Variants in PTPRN2 observed in about 807,000 individuals in gnomAD.
PTPRN2 encodes protein tyrosine phosphatase receptor type N2.
A neutral mutation model predicts 118.8 loss-of-function variants in PTPRN2; 74 were observed. The observed-to-expected ratio is 0.62, with a 90% CI of 0.52 to 0.76. The LOEUF (loss-of-function observed/expected upper bound fraction) is 0.76. Among genes scored for constraint, PTPRN2 ranks in the 30% least tolerant of loss-of-function variants. The pLI is 0.00. For synonymous variants in PTPRN2, 641 were observed against 608.0 expected, an observed-to-expected ratio of 1.05 and a Z score of -0.80; for missense variants, 1,481 against 1,394.4, an observed-to-expected ratio of 1.06 and a Z score of -0.99.
At chr7:157,759,332 C>T (rs190565754) in intron 12 of PTPRN2, among the ~76,000 whole-genome samples, 6 of 152,324 alleles carry the variant, frequency 3.9e-5, no homozygotes, top group Admixed American at 2.6e-4. Context: ...TAGGCAGCAT[C>T]GGGGAGCGAT....
intron 11 of PTPRN2, among the ~76,000 whole-genome samples, chr7:158,040,878 A>G (rs7783314): frequency 0.48 from 73,346 of 151,722 alleles, 18,301 homozygotes; most frequent in African/African-American, 0.53. Context: ...GATTACAGGC[A>G]TGCACCACCA....
At chr7:157,884,258 C>G (rs1259094893) in intron 12 of PTPRN2, among the ~76,000 whole-genome samples, 1 of 152,216 alleles carries the variant, frequency 6.6e-6, no homozygotes, top group Admixed American at 6.5e-5. Flanking sequence ...CAGAACACAC[C>G]ATCCTAATAA....
At chr7:157,993,816 C>T (rs543279762) in intron 11 of PTPRN2, among the ~76,000 whole-genome samples, 65 of 152,218 alleles carry the variant, frequency 4.3e-4, no homozygotes, top group Non-Finnish European at 7.1e-4. Flanking sequence ...TGGAGAGCGT[C>T]GATTGAGCAG....
chr7:157,613,546 G>A (rs1352362108), intron 15 of PTPRN2, among the ~76,000 whole-genome samples: 2 of 152,206 alleles, frequency 1.3e-5, no homozygotes, highest in Non-Finnish European at 2.9e-5. Context: ...CTCAGAAGCC[G>A]GCAGGGCGGG....
chr7:157,880,869 C>T (rs990014124), intron 12 of PTPRN2, among the ~76,000 whole-genome samples: 1 of 152,190 alleles, frequency 6.6e-6, no homozygotes, highest in Non-Finnish European at 1.5e-5. Flanking sequence ...TAGATGTATT[C>T]CTCTGAAGCT....
intron 3 of PTPRN2, among the ~76,000 whole-genome samples, chr7:158,264,728 C>T (rs1310143605): frequency 6.6e-6 from 1 of 152,212 alleles, no homozygotes; most frequent in Non-Finnish European, 1.5e-5. Flanking sequence ...GCCCAGGCTC[C>T]AGGACTGCCT....
At chr7:158,446,160 G>A (rs1817713056) in intron 2 of PTPRN2, among the ~76,000 whole-genome samples, 1 of 152,086 alleles carries the variant, frequency 6.6e-6, no homozygotes, top group African/African-American at 2.4e-5. Context: ...GCTCGCCCCA[G>A]GTCTTCCTGG....
chr7:158,240,490 G>A (rs151133654), intron 3 of PTPRN2, among the ~76,000 whole-genome samples: 30 of 152,276 alleles, frequency 2.0e-4, no homozygotes, highest in African/African-American at 3.4e-4. Context: ...GTGCAGTAGC[G>A]TGATCTCAGC....
intron 3 of PTPRN2, among the ~76,000 whole-genome samples, chr7:158,231,183 C>A (rs1435443635): frequency 6.6e-6 from 1 of 152,152 alleles, no homozygotes; most frequent in Non-Finnish European, 1.5e-5. Flanking sequence ...GGGAGGATCA[C>A]TTGAGCATGG....
Position 158,121,583 on chromosome 7 carries a change from G to A in PTPRN2, c.1557-10668C>T, listed in dbSNP as rs577947362. ...TAGCATGTTTCAAACCAAGGGGATG[G>A]TATGAGGACATGGGAGGGGCTCCAC... On this transcript the variant is annotated intron_variant, in intron 9 of 22. Transcript: ENST00000389418. 3.3e-5 allele frequency among the ~76,000 whole-genome samples: 5 copies of A among 152,270 alleles called. No homozygotes were observed. In the South Asian group the frequency reaches 1.0e-3, roughly 32 times the overall value.
chr7:158,402,748 A>G (rs1201543954), intron 2 of PTPRN2, among the ~76,000 whole-genome samples: 1 of 152,134 alleles, frequency 6.6e-6, no homozygotes, highest in Non-Finnish European at 1.5e-5. Context: ...GAGGGATCCA[A>G]GGGCCATGGC....
chr7:157,872,267 C>CCA (rs1342705961), intron 12 of PTPRN2, among the ~76,000 whole-genome samples: 3 of 148,864 alleles, frequency 2.0e-5, no homozygotes, highest in Non-Finnish European at 4.5e-5. Context: ...AGTGTCCTCC[C>CCA]CACACACACA....
intron 2 of PTPRN2, among the ~76,000 whole-genome samples, chr7:158,362,251 C>T (rs2151294597): frequency 6.6e-6 from 1 of 152,336 alleles, no homozygotes; most frequent in African/African-American, 2.4e-5. Context: ...CCCGCCCGGC[C>T]TCAGCCTGGT....
Position 158,230,885 on chromosome 7 carries a change from A to G in PTPRN2, c.278-25612T>C, listed in dbSNP as rs548043682. Among the ~76,000 whole-genome samples the G allele has an allele frequency of 1.1e-3, 166 of 152,344 alleles. 2 individuals carry two copies. The highest frequency in any genetic ancestry group is 8.9e-3 in the South Asian group (43 of 4,830). On this transcript the variant is annotated intron_variant, in intron 3 of 22. Transcript: ENST00000389418. ...CAATTAAAAGATATAGAATGGCTGT[A>G]TGGATAAAGAATTAAGACCCAACTA...
At chr7:158,315,877 G>T (rs1244730587) in intron 3 of PTPRN2, among the ~76,000 whole-genome samples, 1 of 152,198 alleles carries the variant, frequency 6.6e-6, no homozygotes, top group African/African-American at 2.4e-5. Context: ...AGTGGATAGG[G>T]TGACCTGTTC....
At chr7:157,781,293 C>T (rs1478202130) in intron 12 of PTPRN2, among the ~76,000 whole-genome samples, 4 of 152,180 alleles carry the variant, frequency 2.6e-5, no homozygotes, top group East Asian at 1.9e-4. Context: ...GCTACATTAC[C>T]GCCTGGACAT....
intron 18 of PTPRN2, 42 bp from the exon 19 acceptor site, chr7:157,576,821 G>C: frequency 6.5e-7 from 1 of 1,528,972 alleles, no homozygotes; most frequent in South Asian, 1.2e-5. Context: ...GACAGGTGTG[G>C]ACATTGTGAA....
In PTPRN2 at chr7:157,877,235, C is replaced by T. The variant is rs377359495; in HGVS notation, c.1788+21438G>A. Reference sequence around the variant, plus strand: ...AGCACCAGGGTTTTCTCGGGGACCCCGGGTCCGAGTGCCACACTAGAGTTT... The same window carrying T: ...AGCACCAGGGTTTTCTCGGGGACCCTGGGTCCGAGTGCCACACTAGAGTTT... On this transcript the variant is annotated intron_variant, in intron 12 of 22. Coordinates refer to ENST00000389418, the MANE Select transcript of PTPRN2 (RefSeq NM_002847.5). 2.1e-3 allele frequency among the ~76,000 whole-genome samples: 303 copies of T among 147,638 alleles called. 1 individual carries two copies. The highest frequency in any genetic ancestry group is 7.0e-3 in the African/African-American group (278 of 39,686).
At chr7:158,407,312 GGTCCTGGGTCCTGCGTCCTGGGTCCTGC>G (rs1813622838) in intron 2 of PTPRN2, among the ~76,000 whole-genome samples, 1 of 102,752 alleles carries the variant, frequency 9.7e-6, no homozygotes, top group African/African-American at 4.2e-5. Context: ...CTGGGTCCTG[GGTCCTGGGTCCTGCGTCCTGGGTCCTGC>G]GTCCTGGGTC....
Sources: gnomAD v4.1 joint callset for allele counts (sites outside exome capture counted in the v4.1 genomes callset) on GRCh38, gnomAD v4.1.1 for gene constraint, MANE v1.5 for transcripts, NCBI Gene and HGNC (gene_info 2026-07-23, HGNC 2026-07-21) for gene names.